Variants in CDH18 observed in about 807,000 individuals in gnomAD.
The protein encoded by CDH18 is cadherin 18.
Under a neutral mutation model 67.9 loss-of-function variants are expected in CDH18, and 31 were observed. That is an observed-to-expected ratio of 0.46 (90% CI 0.34 to 0.62). The LOEUF is 0.62. CDH18 is among the 20% of genes least tolerant of loss of function. The pLI is 0.01. For synonymous variants in CDH18, 362 were observed against 347.2 expected (o/e 1.04, Z -0.48); for missense variants, 890 against 975.5 (o/e 0.91, Z 1.17).
rs1287808352 is a variant in CDH18, at chr5:20,439,460, C to T, written c.-580+136002G>A. 4.0e-5 allele frequency among the ~76,000 whole-genome samples: 6 copies of T among 151,696 alleles called. No homozygotes were observed. In the East Asian group the frequency reaches 1.2e-3, roughly 29 times the overall value. On this transcript the variant is annotated intron_variant, in intron 1 of 14. Coordinates refer to the CDH18 transcript ENST00000507958. ...TAGATACACAAGATAAACACACACA[C>T]ACATACACATGCACACACCGTTTCA...
chr5:20,034,018 A>C (rs1276594094), intron 2 of CDH18, among the ~76,000 whole-genome samples: 1 of 152,078 alleles, frequency 6.6e-6, no homozygotes, highest in Non-Finnish European at 1.5e-5. Context: ...CATAAAATTG[A>C]AAAGAATGAC....
intron 5 of CDH18, among the ~76,000 whole-genome samples, chr5:19,649,671 G>T (rs977719428): frequency 6.6e-6 from 1 of 151,892 alleles, no homozygotes; most frequent in Non-Finnish European, 1.5e-5. Context: ...AATGCCCACA[G>T]TTCTTCTAAA....
intron 2 of CDH18, among the ~76,000 whole-genome samples, chr5:20,101,870 G>A (rs965724114): frequency 5.9e-5 from 9 of 152,212 alleles, no homozygotes; most frequent in South Asian, 2.1e-4. Flanking sequence ...TCAGGAGTTC[G>A]AGGCCATCCT....
At chr5:19,694,426 C>A (rs1167033284) in intron 5 of CDH18, among the ~76,000 whole-genome samples, 1 of 152,000 alleles carries the variant, frequency 6.6e-6, no homozygotes, top group African/African-American at 2.4e-5. Flanking sequence ...AATTATGGAG[C>A]CTCCCTCTGT....
At chr5:19,886,280 T>C (rs1266839232) in intron 2 of CDH18, 1 of 152,078 alleles carries the variant, frequency 6.6e-6, no homozygotes, top group African/African-American at 2.4e-5. Flanking sequence ...AAAATGAAAA[T>C]GCACCCAGTA....
chr5:20,191,063 C>A (rs934188498), intron 2 of CDH18, among the ~76,000 whole-genome samples: 1 of 152,030 alleles, frequency 6.6e-6, no homozygotes, highest in African/African-American at 2.4e-5. Flanking sequence ...TGAAAGCCTG[C>A]AGGTTTGTGG....
At chr5:19,664,278 T>C (rs1429156022) in intron 5 of CDH18, among the ~76,000 whole-genome samples, 1 of 81,970 alleles carries the variant, frequency 1.2e-5, no homozygotes, top group Non-Finnish European at 2.9e-5. Context: ...CAAATGGTCC[T>C]ATGGGAAAAA....
chr5:19,758,103 T>C (rs1771851350), intron 3 of CDH18, among the ~76,000 whole-genome samples: 1 of 152,160 alleles, frequency 6.6e-6, no homozygotes, highest in Non-Finnish European at 1.5e-5. Context: ...TGAGCCACTT[T>C]CTCATGTAAC....
intron 3 of CDH18, among the ~76,000 whole-genome samples, chr5:19,747,532 C>T (rs1770190081): frequency 1.3e-5 from 2 of 151,742 alleles, no homozygotes; most frequent in African/African-American, 4.8e-5. Context: ...ATCCACATTC[C>T]ACTAACTGCC....
intron 5 of CDH18, among the ~76,000 whole-genome samples, chr5:19,621,941 G>A (rs1435362783): frequency 6.6e-6 from 1 of 152,152 alleles, no homozygotes; most frequent in Non-Finnish European, 1.5e-5. Flanking sequence ...GCTTTCCAGA[G>A]TTGATGGAGC....
chr5:19,639,360 A>G (rs1416624156), intron 5 of CDH18, among the ~76,000 whole-genome samples: 2 of 152,192 alleles, frequency 1.3e-5, no homozygotes, highest in East Asian at 3.9e-4. Flanking sequence ...ACAAAGAGGA[A>G]GAGTAGAGGT....
intron 1 of CDH18, among the ~76,000 whole-genome samples, chr5:20,529,872 T>C (rs986170497): frequency 2.0e-5 from 3 of 151,948 alleles, no homozygotes; most frequent in Admixed American, 2.0e-4. Context: ...CAACATAACA[T>C]TGGAAGTTCT....
intron 2 of CDH18, among the ~76,000 whole-genome samples, chr5:19,926,482 A>G (rs1271984097): frequency 6.6e-6 from 1 of 152,170 alleles, no homozygotes; most frequent in Non-Finnish European, 1.5e-5. Flanking sequence ...TAATCAAAAT[A>G]TTCTCAATTT....
intron 2 of CDH18, among the ~76,000 whole-genome samples, chr5:20,199,938 T>G (rs772927011): frequency 1.3e-5 from 2 of 152,202 alleles, no homozygotes; most frequent in African/African-American, 2.4e-5. Context: ...TCTTCTGCTA[T>G]GATTCTCGAT....
chr5:19,990,720 T>G (rs1799933417), upstream of CDH18, among the ~76,000 whole-genome samples: 1 of 152,134 alleles, frequency 6.6e-6, no homozygotes, highest in South Asian at 2.1e-4. Context: ...AAAGTGGACT[T>G]GTCAGCCACT....
intron 2 of CDH18, among the ~76,000 whole-genome samples, chr5:20,242,622 A>ATATACATGTG: frequency 9.3e-6 from 1 of 106,952 alleles, no homozygotes; most frequent in South Asian, 2.8e-4. Context: ...ATATATATAT[A>ATATACATGTG]TATATATATA....
chr5:19,708,778 C>T (rs1231996235), intron 5 of CDH18, among the ~76,000 whole-genome samples: 2 of 152,182 alleles, frequency 1.3e-5, no homozygotes, highest in Non-Finnish European at 2.9e-5. Context: ...GTGCTTATCA[C>T]TGGCTTGCTG....
intron 3 of CDH18, among the ~76,000 whole-genome samples, chr5:19,836,104 T>G (rs1335839667): frequency 6.6e-6 from 1 of 152,168 alleles, no homozygotes; most frequent in Non-Finnish European, 1.5e-5. Context: ...TTGTTTCTGT[T>G]TCTTAGTTAG....
intron 1 of CDH18, among the ~76,000 whole-genome samples, chr5:20,394,616 C>A (rs557489034): frequency 1.3e-5 from 2 of 151,908 alleles, no homozygotes; most frequent in Non-Finnish European, 2.9e-5. Flanking sequence ...TTCTGCATAG[C>A]GGAGAAATAG....
Sources: gnomAD v4.1 joint callset for allele counts (sites outside exome capture counted in the v4.1 genomes callset) on GRCh38, gnomAD v4.1.1 for gene constraint, MANE v1.5 for transcripts, NCBI Gene and HGNC (gene_info 2026-07-23, HGNC 2026-07-21) for gene names.